The following HOXA10 variants were observed in gnomAD, a reference collection of about 807,000 sequenced individuals.
HOXA10 encodes homeobox protein Hox-A10.
Under a neutral mutation model 29.7 loss-of-function variants are expected in HOXA10, and 12 were observed. That is an observed-to-expected ratio of 0.40 (90% CI 0.26 to 0.65). The LOEUF (loss-of-function observed/expected upper bound fraction) is 0.65. HOXA10 is among the 30% of genes least tolerant of loss of function. The pLI, the probability that HOXA10 is intolerant of heterozygous loss-of-function variation, is 0.37. For missense variants in HOXA10, 656 were observed against 585.9 expected (o/e 1.12, Z -1.24); for synonymous variants, 327 against 280.7 (o/e 1.16, Z -1.65).
Position 27,171,355 on chromosome 7 carries a change from C to T in HOXA10, c.*544G>A, listed in dbSNP as rs762520636. On this transcript the variant is annotated 3_prime_UTR_variant, in exon 2 of 2. Coordinates refer to ENST00000283921, the MANE Select transcript of HOXA10 (RefSeq NM_018951.4). ...ACCTGCATGTCCATGCCTGTAAGCC[C>T]TTCTCTTGGCCAAGGAAGAAAGGAA... is the stretch of plus-strand genomic sequence containing the variant. The T allele has an allele frequency of 8.8e-6, 4 of 454,422 alleles. 1 individual carries two copies. Among genetic ancestry groups the T allele is most frequent in the South Asian group, 6.2e-5 (4 of 64,482 alleles). 28.1% of individuals were successfully genotyped at this position (454,422 alleles called of 1,614,324 possible). A position where few individuals can be genotyped will look rare whatever the true frequency, so the allele number is the denominator to read the frequency against.
At position 27,174,217 on chromosome 7, in the gene HOXA10, CA is replaced by C. The variant is rs1783601521; in HGVS notation, c.89del (p.Leu30TrpfsTer74). 2 of 1,601,348 alleles carry C rather than the reference CA, an allele frequency of 1.2e-6. No homozygotes were observed. The part of the protein sequence containing the change: ...CSESPAANSF[L>X]VDSLISSGRG... ...TGCCCGAGCTGATGAGCGAGTCGAC[CA>C]AAAAAGAGTTCGCGGCGGGGCTCTC... On this transcript the variant is annotated frameshift_variant, in exon 1 of 2. Transcript: ENST00000283921. LOFTEE classifies it high-confidence loss of function.
chr7:27,176,845 T>C (rs1173572380), upstream of HOXA10, among the ~76,000 whole-genome samples: 2 of 152,256 alleles, frequency 1.3e-5, no homozygotes, highest in Non-Finnish European at 2.9e-5. Flanking sequence ...TTCTGGAAAA[T>C]CCAAGTAAGT....
chr7:27,174,339 A>C (rs1783606233), upstream of HOXA10: 2 of 1,596,084 alleles, frequency 1.3e-6, no homozygotes, highest in South Asian at 2.2e-5. Flanking sequence ...TACGATTAGC[A>C]ATCCCCCCGC....
chr7:27,173,602 T>C lies in HOXA10; in HGVS notation c.705A>G (p.Gln235=). The change falls in exon 1 of 2, where the codon CAA becomes CAG. Residue 235 remains glutamine, a synonymous_variant. Transcript: ENST00000283921. The part of the protein sequence containing the change: ...GYGSGGGGAQ[Q]LGAGPFPAQP... Reference sequence around the variant, plus strand: ...GCGCGGGGAACGGGCCAGCCCCGAGTTGCTGCGCGCCGCCGCCGCCGCTGC... The same window carrying C: ...GCGCGGGGAACGGGCCAGCCCCGAGCTGCTGCGCGCCGCCGCCGCCGCTGC... 6.5e-7 allele frequency: 1 copy of C among 1,530,438 alleles called. No homozygotes were observed. Among genetic ancestry groups the C allele is most frequent in the Non-Finnish European group, 8.8e-7 (1 of 1,140,370 alleles). 94.8% of individuals were successfully genotyped at this position (1,530,438 alleles called of 1,614,324 possible).
At chr7:27,178,741 C>T (rs1032388546), upstream of HOXA10, among the ~76,000 whole-genome samples, 1 of 152,178 alleles carries the variant, frequency 6.6e-6, no homozygotes, top group South Asian at 2.1e-4. Flanking sequence ...GGATTCACCC[C>T]ACTCACCACG....
rs1175563219 is a variant in HOXA10 at position 27,171,366 on chromosome 7, CAAGGAAGA to C, written c.*525_*532del. On this transcript the variant is annotated 3_prime_UTR_variant, in exon 2 of 2. Coordinates refer to ENST00000283921, the MANE Select transcript of HOXA10 (RefSeq NM_018951.4). The stretch of plus-strand genomic sequence containing the variant: ...CATGCCTGTAAGCCCTTCTCTTGGC[CAAGGAAGA>C]AAGGAAGAAAGAAAAAAGAAACCCA... The C allele has an allele frequency of 1.5e-5, 7 of 454,464 alleles. No individual in the cohort carries two copies. The highest frequency in any genetic ancestry group is 2.3e-5 in the Admixed American group (1 of 42,582). The allele number at this position is 454,464 out of a possible 1,614,324, so 28.2% of individuals were successfully genotyped here.
In HOXA10 at chr7:27,171,818, C is replaced by A. The variant is rs747368667; in HGVS notation, c.*81G>T. 8.4e-6 allele frequency: 12 copies of A among 1,426,292 alleles called. No individual in the cohort carries two copies. Among genetic ancestry groups the A allele is most frequent in the Non-Finnish European group, 9.9e-6 (10 of 1,009,874 alleles). 88.4% of individuals were successfully genotyped at this position (1,426,292 alleles called of 1,614,324 possible). A position where few individuals can be genotyped will look rare whatever the true frequency, so the allele number is the denominator to read the frequency against. ...GAGGAACAGGGCTCCAGCACAGGTGCGAGTTCCTGGGCAGAGCCTGAAGAC... is the reference window on the plus strand; with the variant it reads ...GAGGAACAGGGCTCCAGCACAGGTGAGAGTTCCTGGGCAGAGCCTGAAGAC... On this transcript the variant is annotated 3_prime_UTR_variant, in exon 2 of 2. Coordinates refer to ENST00000283921, the MANE Select transcript of HOXA10 (RefSeq NM_018951.4).
In HOXA10 at chr7:27,173,624, C is replaced by G. The variant is rs1336796129; in HGVS notation, c.683G>C (p.Ser228Thr). Reference sequence around the variant, plus strand: ...GAGTTGCTGCGCGCCGCCGCCGCCGCTGCCATAGCCCTTGGCGGTGCCGTA... The same window carrying G: ...GAGTTGCTGCGCGCCGCCGCCGCCGGTGCCATAGCCCTTGGCGGTGCCGTA... ...QAYGTAKGYG[S>T]GGGGAQQLGA... is the part of the protein sequence containing the mutation. Residue 228 changes from serine (S) to threonine (T), a missense_variant, in exon 1 of 2, where the codon AGC becomes ACC. Around this residue, in one of 2 missense-constraint regions of HOXA10, gnomAD observed 594 missense variants for 491.9 expected, o/e 1.21. Transcript: ENST00000283921. 4 of 1,535,858 alleles carry G rather than the reference C, an allele frequency of 2.6e-6. No individual in the cohort carries two copies. The highest frequency in any genetic ancestry group is 1.8e-6 in the Non-Finnish European group (2 of 1,141,516).
rs372301094 is a variant in HOXA10 at position 27,173,727 on chromosome 7, C to T, written c.580G>A (p.Gly194Ser). 145 of 1,588,702 alleles carry T rather than the reference C, an allele frequency of 9.1e-5. 1 individual carries two copies. The highest frequency in any genetic ancestry group is 6.1e-4 in the African/African-American group (45 of 74,344). ...AGGGCGCAGCCGTCGGGCGGCGGGC[C>T]CCGCGGGAAGGGAGCCAGTTCGGCG... ...TAAELAPFPR[G>S]PPPDGCALGT... is the part of the protein sequence containing the mutation. Residue 194 changes from glycine (G) to serine (S), a missense_variant, in exon 1 of 2, where the codon GGC (glycine) becomes AGC (serine). Physicochemically the swap from Gly to Ser is moderately conservative, Grantham distance 56 (BLOSUM62 0). This residue lies in a region of HOXA10 where 594 missense variants were observed against 491.9 expected (regional missense o/e 1.21). Transcript: ENST00000283921.
In HOXA10 at chr7:27,171,478, C is replaced by A. The variant is rs1462881362; in HGVS notation, c.*421G>T. The A allele has an allele frequency of 1.5e-5, 7 of 458,682 alleles. No individual in the cohort carries two copies. Among genetic ancestry groups the A allele is most frequent in the Non-Finnish European group, 2.6e-5 (6 of 229,824 alleles). The allele number at this position is 458,682 out of a possible 1,614,324, so 28.4% of individuals were successfully genotyped here. On this transcript the variant is annotated 3_prime_UTR_variant, in exon 2 of 2. Transcript: ENST00000283921. ...GGTGGCGGCTCCTTTGCACCATTGA[C>A]CTCAGGCCAGACACCTCAGCGCCAA...
chr7:27,172,442 G>A, intron 1 of HOXA10: 1 of 540,030 alleles, frequency 1.9e-6, no homozygotes, highest in Non-Finnish European at 3.3e-6. Context: ...GTAGATGCTT[G>A]CAGAAGGAAA....
In HOXA10 at chr7:27,170,831, T is replaced by C. The variant is rs1036187478; in HGVS notation, c.*1068A>G. 1.3e-5 allele frequency: 6 copies of C among 454,002 alleles called. No individual in the cohort carries two copies. Among genetic ancestry groups the C allele is most frequent in the African/African-American group, 1.2e-4 (6 of 49,998 alleles). 28.1% of individuals were successfully genotyped at this position (454,002 alleles called of 1,614,324 possible). Reference sequence around the variant, plus strand: ...TATAGTTTTTTTCTTTTTCTGCATCTACAGGTTTGACCCTTTTATGCATGT... The same window carrying C: ...TATAGTTTTTTTCTTTTTCTGCATCCACAGGTTTGACCCTTTTATGCATGT... On this transcript the variant is annotated 3_prime_UTR_variant, in exon 2 of 2. Transcript: ENST00000283921.
rs1271052657 is a variant in HOXA10, at chr7:27,171,153, G to A, written c.*746C>T. On this transcript the variant is annotated 3_prime_UTR_variant, in exon 2 of 2. Coordinates refer to ENST00000283921, the MANE Select transcript of HOXA10 (RefSeq NM_018951.4). The stretch of plus-strand genomic sequence containing the variant: ...AGGATATGGAAATTTAGAGGTAAAT[G>A]AAACATTTTAGTCAGGCAATGTAAG... 1 of 453,472 alleles carries A rather than the reference G, an allele frequency of 2.2e-6. No homozygotes were observed. The highest frequency in any genetic ancestry group is 1.6e-5 in the South Asian group (1 of 64,002). The allele number at this position is 453,472 out of a possible 1,614,324, so 28.1% of individuals were successfully genotyped here. A position where few individuals can be genotyped will look rare whatever the true frequency, so the allele number is the denominator to read the frequency against.
chr7:27,175,989 G>C (rs1783649202), upstream of HOXA10, among the ~76,000 whole-genome samples: 1 of 152,236 alleles, frequency 6.6e-6, no homozygotes, highest in Admixed American at 6.5e-5. Context: ...AGCAGCTGCG[G>C]TCGCTGCGGG....
At chr7:27,172,335 A>G in intron 1 of HOXA10, 162 bp from the exon 2 acceptor site, 2 of 675,922 alleles carry the variant, frequency 3.0e-6, no homozygotes, top group Non-Finnish European at 5.1e-6. Context: ...CAGTTCCTCC[A>G]AAAGTCATGA....
Position 27,174,229 on chromosome 7 carries a change from C to G in HOXA10, c.78G>C (p.Ala26=). 2 of 1,600,374 alleles carry G rather than the reference C, an allele frequency of 1.2e-6. No homozygotes were observed. Among genetic ancestry groups the G allele is most frequent in the Admixed American group, 1.7e-5 (1 of 60,016 alleles). Residue 26 remains alanine, a synonymous_variant, in exon 1 of 2, where the codon GCG becomes GCC. Coordinates refer to ENST00000283921, the MANE Select transcript of HOXA10 (RefSeq NM_018951.4). The part of the protein sequence containing the change: ...TTMSCSESPA[A]NSFLVDSLIS... The stretch of plus-strand genomic sequence containing the variant: ...TGAGCGAGTCGACCAAAAAAGAGTT[C>G]GCGGCGGGGCTCTCCGAGCATGACA...
rs149834526 is a variant in HOXA10 at position 27,173,754 on chromosome 7, C to T, written c.553G>A (p.Ala185Thr). 1.1e-4 allele frequency: 174 copies of T among 1,603,976 alleles called. No homozygotes were observed. In the African/African-American group the frequency reaches 2.0e-3, roughly 19 times the overall value. Residue 185 changes from alanine (A) to threonine (T), a missense_variant, in exon 1 of 2, where the codon GCC becomes ACC. Around this residue, in one of 2 missense-constraint regions of HOXA10, gnomAD observed 594 missense variants for 491.9 expected, o/e 1.21. Coordinates refer to ENST00000283921, the MANE Select transcript of HOXA10 (RefSeq NM_018951.4). Reference protein sequence around the residue: ...ADKCPKVSATAAELAPFPRGP... With the variant: ...ADKCPKVSATTAELAPFPRGP... ...CGCGGGAAGGGAGCCAGTTCGGCGG[C>T]GGTGGCCGAGACTTTGGGGCATTTG... is the stretch of plus-strand genomic sequence containing the variant.
At position 27,173,614 on chromosome 7, in the gene HOXA10, G is replaced by A. The variant is rs1473190926; in HGVS notation, c.693C>T (p.Gly231=). The A allele has an allele frequency of 1.3e-6, 2 of 1,532,612 alleles. No homozygotes were observed. The highest frequency in any genetic ancestry group is 2.0e-5 in the Admixed American group (1 of 49,964). The allele number at this position is 1,532,612 out of a possible 1,614,324, so 94.9% of individuals were successfully genotyped here. A position where few individuals can be genotyped will look rare whatever the true frequency, so the allele number is the denominator to read the frequency against. ...GTAKGYGSGG[G]GAQQLGAGPF... Reference sequence around the variant, plus strand: ...GGCCAGCCCCGAGTTGCTGCGCGCCGCCGCCGCCGCTGCCATAGCCCTTGG... The same window carrying A: ...GGCCAGCCCCGAGTTGCTGCGCGCCACCGCCGCCGCTGCCATAGCCCTTGG... Residue 231 remains glycine (G), a synonymous_variant, in exon 1 of 2, where the codon GGC becomes GGT. Transcript: ENST00000283921.
chr7:27,178,404 A>G (rs1025893467), upstream of HOXA10, among the ~76,000 whole-genome samples: 13 of 152,368 alleles, frequency 8.5e-5, no homozygotes, highest in South Asian at 6.2e-4. Flanking sequence ...GCAATCTATT[A>G]CTAAACAACA....
Sources: allele counts gnomAD v4.1 joint callset (sites outside exome capture counted in the v4.1 genomes callset), GRCh38; gene constraint gnomAD v4.1.1; regional missense constraint gnomAD v4.1.1; transcripts MANE v1.5; gene names NCBI Gene and HGNC (gene_info 2026-07-23, HGNC 2026-07-21).